TBCK: variants seen among roughly 807,000 people sequenced by gnomAD.
The protein encoded by TBCK is TBC1 domain containing kinase.
A neutral mutation model predicts 113.4 loss-of-function variants in TBCK; 99 were observed. That is an observed-to-expected ratio of 0.87 (90% CI 0.74 to 1.03). The LOEUF (loss-of-function observed/expected upper bound fraction) is 1.03, where lower values mean the gene tolerates loss of function less well. TBCK is among the 50% of genes least tolerant of loss of function. The pLI, the probability that TBCK is intolerant of heterozygous loss-of-function variation, is 0.00. For missense variants in TBCK, 1,045 were observed against 1,061.3 expected (o/e 0.98, Z 0.21); for synonymous variants, 369 against 370.8 (o/e 1.00, Z 0.05).
intron 15 of TBCK, 35 bp from the exon 16 acceptor site, chr4:106,233,685 A>G (rs1759132649): frequency 6.8e-7 from 1 of 1,467,806 alleles, no homozygotes; most frequent in Admixed American, 1.7e-5. Flanking sequence ...TTAATTTATC[A>G]TATCCTTAAT....
intron 22 of TBCK, among the ~76,000 whole-genome samples, chr4:106,177,461 T>C (rs941694354): frequency 6.6e-6 from 1 of 151,872 alleles, no homozygotes; most frequent in Non-Finnish European, 1.5e-5. Flanking sequence ...AGTAGTTTCA[T>C]GTCTTACATT....
At chr4:106,074,391 T>C (rs1057363489) in intron 25 of TBCK, among the ~76,000 whole-genome samples, 3 of 152,226 alleles carry the variant, frequency 2.0e-5, no homozygotes, top group Admixed American at 2.0e-4. Context: ...TGTAAATAAG[T>C]ACTAGAAAAC....
intron 3 of TBCK, among the ~76,000 whole-genome samples, chr4:106,292,372 T>C (rs930113445): frequency 1.1e-4 from 16 of 151,902 alleles, no homozygotes; most frequent in Non-Finnish European, 2.9e-5. Flanking sequence ...GAGATCGAGA[T>C]CATCCTGGCT....
intron 23 of TBCK, among the ~76,000 whole-genome samples, chr4:106,116,711 T>C (rs536747771): frequency 6.6e-6 from 1 of 152,238 alleles, no homozygotes; most frequent in East Asian, 1.9e-4. Context: ...TAGATTCTCA[T>C]AGGAGTACAA....
intron 3 of TBCK, among the ~76,000 whole-genome samples, chr4:106,284,751 C>T (rs1214104892): frequency 1.3e-5 from 2 of 152,082 alleles, no homozygotes; most frequent in Non-Finnish European, 2.9e-5. Context: ...GAAATACTTC[C>T]CATACAGCAC....
At chr4:106,251,125 C>G (rs1213014458) in intron 6 of TBCK, 3 of 398,300 alleles carry the variant, frequency 7.5e-6, no homozygotes, top group Non-Finnish European at 1.5e-5. Context: ...AAATTGGACT[C>G]TTCCACCATC....
At chr4:106,076,827 C>T (rs1738249934) in intron 25 of TBCK, among the ~76,000 whole-genome samples, 1 of 152,138 alleles carries the variant, frequency 6.6e-6, no homozygotes, top group African/African-American at 2.4e-5. Context: ...GGGAGGCTGA[C>T]TGCAGTGGCT....
At chr4:106,264,509 A>C (rs1018618035) in intron 3 of TBCK, among the ~76,000 whole-genome samples, 1 of 152,004 alleles carries the variant, frequency 6.6e-6, no homozygotes, top group Non-Finnish European at 1.5e-5. Context: ...AGAAGACGTA[A>C]GGCCCTTTAG....
At chr4:106,053,977 C>T (rs1735104211) in intron 25 of TBCK, among the ~76,000 whole-genome samples, 1 of 151,576 alleles carries the variant, frequency 6.6e-6, no homozygotes, top group Non-Finnish European at 1.5e-5. Context: ...TATTTCTTAC[C>T]TAGATTATTG....
intron 24 of TBCK, among the ~76,000 whole-genome samples, chr4:106,104,838 C>T (rs748082428): frequency 3.3e-5 from 5 of 152,234 alleles, no homozygotes; most frequent in African/African-American, 4.8e-5. Flanking sequence ...CTGGTGACAC[C>T]TCCAGGTTCT....
At chr4:106,260,360 T>G in intron 5 of TBCK, 77 bp downstream of exon 5, 1 of 566,362 alleles carries the variant, frequency 1.8e-6, no homozygotes. Flanking sequence ...ATATCAAATA[T>G]AATTAACAAA....
intron 25 of TBCK, among the ~76,000 whole-genome samples, chr4:106,074,726 A>G (rs1464899831): frequency 6.6e-6 from 1 of 152,222 alleles, no homozygotes; most frequent in Non-Finnish European, 1.5e-5. Context: ...GGTGCTATAT[A>G]AGAGAATCAT....
Position 106,064,660 on chromosome 4 carries a change from C to T in TBCK, c.2572-17980G>A, listed in dbSNP as rs563590219. On this transcript the variant is annotated intron_variant, in intron 25 of 25. Transcript: ENST00000394708. The stretch of plus-strand genomic sequence containing the variant: ...TAAAATATTAGTGGTCTCATAATCA[C>T]AAAATATTATCTAGATATAGTTAAT... 2.6e-5 allele frequency among the ~76,000 whole-genome samples: 4 copies of T among 151,926 alleles called. No homozygotes were observed. The South Asian group carries it at 8.3e-4, about 32-fold the overall frequency.
chr4:106,116,851 A>G (rs1743575970), intron 23 of TBCK, among the ~76,000 whole-genome samples: 2 of 152,052 alleles, frequency 1.3e-5, no homozygotes, highest in African/African-American at 2.4e-5. Flanking sequence ...AAACAACCTC[A>G]GGGCTCTCAC....
intron 19 of TBCK, among the ~76,000 whole-genome samples, chr4:106,225,859 T>C (rs975884070): frequency 2.6e-5 from 4 of 152,128 alleles, no homozygotes; most frequent in Non-Finnish European, 5.9e-5. Context: ...CTGTATAGTA[T>C]GCCTTTTAAA....
intron 25 of TBCK, among the ~76,000 whole-genome samples, chr4:106,094,653 G>A (rs191150382): frequency 6.6e-6 from 1 of 152,204 alleles, no homozygotes; most frequent in Admixed American, 6.5e-5. Context: ...CATATTCCTG[G>A]CCTTTCTCTT....
In TBCK at chr4:106,199,598, C is replaced by T. The variant is rs149473908; in HGVS notation, c.1861-4844G>A. 3.9e-3 allele frequency among the ~76,000 whole-genome samples: 600 copies of T among 152,238 alleles called. 2 individuals carry two copies. The highest frequency in any genetic ancestry group is 0.014 in the African/African-American group (573 of 41,542). On this transcript the variant is annotated intron_variant, in intron 20 of 25. Coordinates refer to ENST00000394708, the MANE Select transcript of TBCK (RefSeq NM_001163435.3). Reference sequence around the variant, plus strand: ...TCTAACAGATACACATATCCTAAAACGAGCTTCTGAGACTTCCTTCAAAAT... The same window carrying T: ...TCTAACAGATACACATATCCTAAAATGAGCTTCTGAGACTTCCTTCAAAAT...
intron 22 of TBCK, among the ~76,000 whole-genome samples, chr4:106,190,332 A>G (rs1753520360): frequency 6.6e-6 from 1 of 152,218 alleles, no homozygotes; most frequent in Admixed American, 6.5e-5. Context: ...TAGTATAACT[A>G]AATTTACTTG....
chr4:106,211,951 A>G (rs1385416640), intron 20 of TBCK, among the ~76,000 whole-genome samples: 2 of 152,112 alleles, frequency 1.3e-5, no homozygotes, highest in African/African-American at 4.8e-5. Context: ...TTAATAAAGT[A>G]TCTTCCTAAA....
Sources: gnomAD v4.1 joint callset for allele counts (sites outside exome capture counted in the v4.1 genomes callset) on GRCh38, gnomAD v4.1.1 for gene constraint, MANE v1.5 for transcripts, NCBI Gene and HGNC (gene_info 2026-07-23, HGNC 2026-07-21) for gene names.